ARVCF: variants seen among roughly 807,000 people sequenced by gnomAD.
ARVCF encodes splicing regulator ARVCF.
In ARVCF, 66 loss-of-function variants were observed where a neutral mutation model predicts 90.9. The ratio of observed to expected loss-of-function variants is 0.73; its 90% CI spans 0.60 to 0.89. ARVCF has a LOEUF of 0.89. Ranked by LOEUF, ARVCF falls within the 40% of genes least tolerant of loss-of-function variation. The pLI, the probability that ARVCF is intolerant of heterozygous loss-of-function variation, is 0.00. For missense variants in ARVCF, 1,469 were observed against 1,382.3 expected (o/e 1.06, Z -1.00); for synonymous variants, 653 against 603.4 (o/e 1.08, Z -1.21).
At chr22:20,007,116 T>C (rs1329893732) in intron 2 of ARVCF, among the ~76,000 whole-genome samples, 1 of 146,572 alleles carries the variant, frequency 6.8e-6, no homozygotes, top group African/African-American at 2.6e-5. Context: ...TAGCCAGGCA[T>C]GGCCGGGAGC....
downstream of ARVCF, among the ~76,000 whole-genome samples, chr22:19,966,490 G>T (rs1479333783): frequency 2.0e-5 from 3 of 151,550 alleles, no homozygotes; most frequent in Non-Finnish European, 4.4e-5. Flanking sequence ...GCCCAGGCTG[G>T]AGTGCAGTGA....
In ARVCF at chr22:19,987,024, CT is replaced by C. The variant is rs759595555; in HGVS notation, c.210+3560del. ...CCCGGGCAGGCCGACGCCCCGCCCT[CT>C]GCCTCCGACCCCGGGCCAGGGTCCC... On this transcript the variant is annotated intron_variant, in intron 3 of 19. Coordinates refer to ENST00000263207, the MANE Select transcript of ARVCF (RefSeq NM_001670.3). 4.6e-6 allele frequency: 3 copies of C among 650,342 alleles called. No individual in the cohort carries two copies. In the South Asian group the frequency reaches 4.9e-5, roughly 11 times the overall value. The allele number at this position is 650,342 out of a possible 1,614,324, so 40.3% of individuals were successfully genotyped here.
intron 2 of ARVCF, among the ~76,000 whole-genome samples, chr22:20,002,296 C>T (rs1245929261): frequency 6.6e-6 from 1 of 152,140 alleles, no homozygotes; most frequent in Non-Finnish European, 1.5e-5. Context: ...CTCTGACCTG[C>T]GGGCTGTGCT....
intron 1 of ARVCF, among the ~76,000 whole-genome samples, chr22:20,013,361 G>A (rs1944905810): frequency 1.3e-5 from 2 of 152,244 alleles, no homozygotes; most frequent in Non-Finnish European, 1.5e-5. Context: ...CACTGTCCCT[G>A]CTGAGCCTGT....
chr22:19,979,869 G>A lies in ARVCF; in HGVS notation c.1270C>T (p.Leu424=), dbSNP rs1249610297. ...TCGCGGCCATAGGAGAGGTTGCGCA[G>A]TGCCCCACAGGCCCGGCGCCGCACC... The part of the protein sequence containing the change: ...AEVRRRACGA[L]RNLSYGRDTD... The change falls in exon 6 of 20, where the codon CTG becomes TTG. Residue 424 remains leucine, a synonymous_variant. Transcript: ENST00000263207. 1 of 1,608,660 alleles carries A rather than the reference G, an allele frequency of 6.2e-7. No homozygotes were observed. The highest frequency in any genetic ancestry group is 1.1e-5 in the South Asian group (1 of 90,538).
intron 2 of ARVCF, among the ~76,000 whole-genome samples, chr22:20,003,459 AAAAC>A (rs765541694): frequency 3.4e-4 from 52 of 152,316 alleles, no homozygotes; most frequent in South Asian, 8.3e-4. Context: ...AAAAATTCTC[AAAAC>A]AAACAAACAA....
intron 7 of ARVCF, 110 bp from the exon 8 acceptor site, chr22:19,978,185 T>C: frequency 2.1e-6 from 2 of 932,268 alleles, no homozygotes; most frequent in Non-Finnish European, 3.1e-6. Flanking sequence ...GCTGCTGCCC[T>C]CCTAGCACTA....
rs534748273 is a variant in ARVCF at position 20,001,807 on chromosome 22, A to G, written c.-19+8648T>C. Among the ~76,000 whole-genome samples, 51 of 152,296 alleles carry G rather than the reference A, an allele frequency of 3.3e-4. 1 individual carries two copies. The highest frequency in any genetic ancestry group is 1.2e-3 in the African/African-American group (50 of 41,556). ...AACTTCATCTCAAAAAAAGAAAAGA[A>G]AGAAAGAAAAGGAGCCGCTATAAAT... On this transcript the variant is annotated intron_variant, in intron 2 of 19. Coordinates refer to ENST00000263207, the MANE Select transcript of ARVCF (RefSeq NM_001670.3).
chr22:19,995,407 G>T lies in ARVCF; in HGVS notation c.-18-4595C>A, dbSNP rs541434359. Among the ~76,000 whole-genome samples the T allele has an allele frequency of 5.9e-5, 9 of 152,084 alleles. No homozygotes were observed. The South Asian group carries it at 1.9e-3, about 32-fold the overall frequency. On this transcript the variant is annotated intron_variant, in intron 2 of 19. Transcript: ENST00000263207. ...GGAAGGGGGGGTGGGCTGTGTAAGG[G>T]CCGGTGGGCAGGAAGGAAATGCTGG...
intron 3 of ARVCF, among the ~76,000 whole-genome samples, chr22:19,983,343 A>C (rs1283048219): frequency 2.0e-5 from 3 of 152,202 alleles, no homozygotes; most frequent in Admixed American, 6.5e-5. Flanking sequence ...CTCCAGAGGC[A>C]GACTCTGCCC....
intron 2 of ARVCF, among the ~76,000 whole-genome samples, chr22:20,004,274 G>A (rs1405610930): frequency 6.6e-6 from 1 of 152,118 alleles, no homozygotes; most frequent in East Asian, 1.9e-4. Context: ...ATTTACCACT[G>A]TCACAATGAC....
chr22:19,967,085 G>A (rs577237896), downstream of ARVCF: 854 of 1,239,096 alleles, frequency 6.9e-4, no homozygotes, highest in Non-Finnish European at 8.7e-4. Flanking sequence ...TCGTAAAGGA[G>A]TGGGCCCCTG....
chr22:19,980,805 C>T (rs993555695), intron 5 of ARVCF: 8 of 205,664 alleles, frequency 3.9e-5, no homozygotes, highest in Middle Eastern at 1.6e-3. Context: ...CTAGGAGTGA[C>T]GGTCAGGTGA....
chr22:19,979,866 G>C lies in ARVCF; in HGVS notation c.1273C>G (p.Arg425Gly). 1 of 1,608,582 alleles carries C rather than the reference G, an allele frequency of 6.2e-7. No homozygotes were observed. Among genetic ancestry groups the C allele is most frequent in the South Asian group, 1.1e-5 (1 of 90,524 alleles). Residue 425 changes from arginine to glycine, a missense_variant, in exon 6 of 20, where the codon CGC becomes GGC. Arg to Gly is a moderately radical substitution (Grantham distance 125). Transcript: ENST00000263207. ...EVRRRACGAL[R>G]NLSYGRDTDN... ...GTGTCGCGGCCATAGGAGAGGTTGC[G>C]CAGTGCCCCACAGGCCCGGCGCCGC... is the stretch of plus-strand genomic sequence containing the variant.
intron 12 of ARVCF, 114 bp from the exon 13 acceptor site, chr22:19,973,907 T>C: frequency 1.3e-6 from 2 of 1,498,626 alleles, no homozygotes; most frequent in South Asian, 1.3e-5. Flanking sequence ...GACAAAGCCC[T>C]ACCCCAAAAG....
intron 3 of ARVCF, among the ~76,000 whole-genome samples, chr22:19,985,044 G>T (rs1205583698): frequency 6.6e-6 from 1 of 152,130 alleles, no homozygotes; most frequent in Non-Finnish European, 1.5e-5. Context: ...ACGTGCACCT[G>T]CCCAGGCTGG....
intron 3 of ARVCF, chr22:19,987,166 T>G (rs1391582219): frequency 1.3e-5 from 6 of 446,396 alleles, no homozygotes; most frequent in Admixed American, 1.3e-4. Flanking sequence ...CTCCGGCGCC[T>G]CGGCCGCTCG....
chr22:19,966,815 G>T (rs1165732622), downstream of ARVCF, among the ~76,000 whole-genome samples: 1 of 152,152 alleles, frequency 6.6e-6, no homozygotes, highest in East Asian at 1.9e-4. Context: ...CGCGATCTTG[G>T]CTCCCTGCAA....
chr22:19,986,965 G>C (rs1943806976), intron 3 of ARVCF: 3 of 611,932 alleles, frequency 4.9e-6, no homozygotes, highest in African/African-American at 1.9e-5. Context: ...TAGCTGCCTC[G>C]GGCCAGCGGC....
Sources: gnomAD v4.1 joint callset for allele counts (sites outside exome capture counted in the v4.1 genomes callset) on GRCh38, gnomAD v4.1.1 for gene constraint, MANE v1.5 for transcripts, NCBI Gene and HGNC (gene_info 2026-07-23, HGNC 2026-07-21) for gene names.